ANKRD24: variants seen among roughly 807,000 people sequenced by gnomAD.
The protein encoded by ANKRD24 is ankyrin repeat domain 24.
In ANKRD24, 109 loss-of-function variants were observed where a neutral mutation model predicts 127.8. The ratio of observed to expected loss-of-function variants is 0.85; its 90% CI spans 0.73 to 1.00. The LOEUF (loss-of-function observed/expected upper bound fraction) is 1.00. Among genes scored for constraint, ANKRD24 ranks in the 50% least tolerant of loss-of-function variants. ANKRD24 has a pLI of 0.00. For missense variants in ANKRD24, 1,648 were observed against 1,570.2 expected, an observed-to-expected ratio of 1.05 and a Z score of -0.84; for synonymous variants, 743 against 671.1, an observed-to-expected ratio of 1.11 and a Z score of -1.66.
Position 4,191,772 on chromosome 19 carries a change from G to A in ANKRD24, c.36+5311G>A, listed in dbSNP as rs543074932. On this transcript the variant is annotated intron_variant, in intron 2 of 21. Coordinates refer to ENST00000318934, the MANE Select transcript of ANKRD24 (RefSeq NM_001393985.1). ...GCTGGGATTACAGACGTGAACCACC[G>A]TCCCCAGCCTATTTATTTATTTATT... Among the ~76,000 whole-genome samples, 8 of 147,378 alleles carry A rather than the reference G, an allele frequency of 5.4e-5. No individual in the cohort carries two copies. The South Asian group carries it at 1.1e-3, about 20-fold the overall frequency.
intron 5 of ANKRD24, among the ~76,000 whole-genome samples, chr19:4,200,387 A>G (rs943188568): frequency 1.3e-5 from 2 of 152,164 alleles, no homozygotes; most frequent in Non-Finnish European, 2.9e-5. Flanking sequence ...GAGCAAAGCC[A>G]GTGGACAGCT....
Position 4,195,679 on chromosome 19 carries a change from C to T in ANKRD24, c.37-4004C>T, listed in dbSNP as rs747342907. Among the ~76,000 whole-genome samples, 3 of 152,018 alleles carry T rather than the reference C, an allele frequency of 2.0e-5. No individual in the cohort carries two copies. The highest frequency in any genetic ancestry group is 4.8e-5 in the African/African-American group (2 of 41,414). On this transcript the variant is annotated intron_variant, in intron 2 of 21. Coordinates refer to ENST00000318934, the MANE Select transcript of ANKRD24 (RefSeq NM_001393985.1). This position sits in a 1 kb window ranked among gnomAD's most constrained non-coding sequence, Gnocchi z 4.2. ...TTGAGAGGCCAAGGCAGGTGGATCA[C>T]GAGGTCAGAGTTCAAGACCAGCCTG...
At chr19:4,202,734 T>A in intron 6 of ANKRD24, 135 bp from the exon 7 acceptor site, 1 of 890,366 alleles carries the variant, frequency 1.1e-6, no homozygotes, top group Middle Eastern at 2.2e-4. Context: ...CCAATTTTCA[T>A]GAAAATGGAG....
At chr19:4,193,854 A>AGGAAGGAAGGAT (rs1223133433) in intron 2 of ANKRD24, among the ~76,000 whole-genome samples, 7 of 40,852 alleles carry the variant, frequency 1.7e-4, no homozygotes, top group Admixed American at 2.4e-4. Context: ...GGAGGAAGGA[A>AGGAAGGAAGGAT]GGAAGGAAGG....
chr19:4,187,379 C>G (rs1968124732), intron 2 of ANKRD24, among the ~76,000 whole-genome samples: 1 of 150,472 alleles, frequency 6.6e-6, no homozygotes. Flanking sequence ...TGCCATTGCA[C>G]TGCAGCCTGG....
chr19:4,209,355 G>A (rs555696600), intron 11 of ANKRD24, among the ~76,000 whole-genome samples: 55 of 151,782 alleles, frequency 3.6e-4, no homozygotes, highest in Non-Finnish European at 7.2e-4. Flanking sequence ...TGACCCACCC[G>A]CCTCGGCCTC....
chr19:4,202,149 A>G (rs1397929381), intron 6 of ANKRD24, 59 bp downstream of exon 6: 1 of 1,488,536 alleles, frequency 6.7e-7, no homozygotes, highest in Non-Finnish European at 9.4e-7. Context: ...GAGTTCCAGC[A>G]ATTCCTTGAA....
intron 16 of ANKRD24, 33 bp downstream of exon 16, chr19:4,216,083 G>T: frequency 6.4e-7 from 1 of 1,563,116 alleles, no homozygotes. Context: ...ACTCCCAGCC[G>T]CCTTGTCCCC....
In ANKRD24 at chr19:4,195,233, C is replaced by T. The variant is rs570331980; in HGVS notation, c.37-4450C>T. On this transcript the variant is annotated intron_variant, in intron 2 of 21. Coordinates refer to ENST00000318934, the MANE Select transcript of ANKRD24 (RefSeq NM_001393985.1). This position sits in a 1 kb window ranked among gnomAD's most constrained non-coding sequence, Gnocchi z 4.2. ...GACTACAGGCGCCCACCACCACGCC[C>T]GGCTAATTTTTTGTATTTTTAGTAG... Among the ~76,000 whole-genome samples, 40 of 152,000 alleles carry T rather than the reference C, an allele frequency of 2.6e-4. No individual in the cohort carries two copies. The highest frequency in any genetic ancestry group is 7.2e-4 in the Admixed American group (11 of 15,244).
intron 2 of ANKRD24, among the ~76,000 whole-genome samples, chr19:4,196,455 A>T (rs961414756): frequency 2.0e-5 from 3 of 152,068 alleles, no homozygotes; most frequent in Non-Finnish European, 4.4e-5. Context: ...GGCTTACTGC[A>T]ACCTCTGCCT....
rs1443435668 is a variant in ANKRD24 at position 4,198,474 on chromosome 19, C to G, written c.37-1209C>G. On this transcript the variant is annotated intron_variant, in intron 2 of 21. Coordinates refer to ENST00000318934, the MANE Select transcript of ANKRD24 (RefSeq NM_001393985.1). The surrounding 1 kb of genome is among the most constrained non-coding windows in gnomAD (Gnocchi z 6.1). ...CTCTTGGAACCCCGTGCGCCCCCCG[C>G]GCCCCGCGCCCCGGACGCCATGAAG... 1.6e-6 allele frequency: 1 copy of G among 619,024 alleles called. No homozygotes were observed. The highest frequency in any genetic ancestry group is 2.9e-6 in the Non-Finnish European group (1 of 344,076). 38.3% of individuals were successfully genotyped at this position (619,024 alleles called of 1,614,324 possible).
intron 10 of ANKRD24, 108 bp from the exon 11 acceptor site, chr19:4,208,656 C>T: frequency 9.1e-7 from 1 of 1,093,726 alleles, no homozygotes; most frequent in Non-Finnish European, 1.3e-6. Flanking sequence ...ACCTTAAACG[C>T]CCTGATTCTT....
chr19:4,210,120 C>T lies in ANKRD24; in HGVS notation c.933C>T (p.Pro311=), dbSNP rs751977030. 36 of 1,610,462 alleles carry T rather than the reference C, an allele frequency of 2.2e-5. No individual in the cohort carries two copies. In the African/African-American group the frequency reaches 2.9e-4, roughly 13 times the overall value. The change falls in exon 12 of 22, where the codon CCC becomes CCT. Residue 311 remains proline, a synonymous_variant. Coordinates refer to ENST00000318934, the MANE Select transcript of ANKRD24 (RefSeq NM_001393985.1). ...AGAAGCGGAAGGCGCCTCCACCTCC[C>T]GCCAGCATTCCCATGCCGGTGAGAG... is the stretch of plus-strand genomic sequence containing the variant. ...APKKRKAPPP[P]ASIPMPDDRD...
At position 4,198,270 on chromosome 19, in the gene ANKRD24, A is replaced by C; in HGVS notation, c.37-1413A>C. ...CTCAGCCCCCAGCCCCCAGCCCCCTACCTGGGTCTTCCCATTCCATCCCGT... is the reference window on the plus strand; with the variant it reads ...CTCAGCCCCCAGCCCCCAGCCCCCTCCCTGGGTCTTCCCATTCCATCCCGT... On this transcript the variant is annotated intron_variant, in intron 2 of 21. Coordinates refer to ENST00000318934, the MANE Select transcript of ANKRD24 (RefSeq NM_001393985.1). This position sits in a 1 kb window ranked among gnomAD's most constrained non-coding sequence, Gnocchi z 6.1. 1 of 441,560 alleles carries C rather than the reference A, an allele frequency of 2.3e-6. No homozygotes were observed. 27.4% of individuals were successfully genotyped at this position (441,560 alleles called of 1,614,324 possible). A position where few individuals can be genotyped will look rare whatever the true frequency, so the allele number is the denominator to read the frequency against.
intron 2 of ANKRD24, among the ~76,000 whole-genome samples, chr19:4,193,706 G>A (rs1323708938): frequency 6.6e-6 from 1 of 151,798 alleles, no homozygotes; most frequent in Admixed American, 6.6e-5. Context: ...GCATGGTGGC[G>A]GGTGCGTGTA....
At position 4,216,840 on chromosome 19, in the gene ANKRD24, G is replaced by T; in HGVS notation, c.1680G>T (p.Glu560Asp). ...CAGAAACCAAAGTTAACGGAGCCGA[G>T]ACCATAGATGAGGAGGCTGCAGGAG... ...VAPETKVNGA[E>D]TIDEEAAGDE... The change falls in exon 18 of 22, where the codon GAG becomes GAT. Residue 560 changes from glutamate to aspartate, a missense_variant. Coordinates refer to ENST00000318934, the MANE Select transcript of ANKRD24 (RefSeq NM_001393985.1). The T allele has an allele frequency of 3.7e-6, 6 of 1,610,384 alleles. No individual in the cohort carries two copies. The South Asian group carries it at 6.6e-5, about 18-fold the overall frequency.
intron 15 of ANKRD24, among the ~76,000 whole-genome samples, chr19:4,215,138 A>G (rs150001346): frequency 1.3e-5 from 2 of 152,342 alleles, no homozygotes; most frequent in East Asian, 3.9e-4. Flanking sequence ...TAAGGAGTTA[A>G]TAACCAAAAT....
intron 13 of ANKRD24, among the ~76,000 whole-genome samples, chr19:4,210,889 A>G (rs1468310449): frequency 6.6e-6 from 1 of 151,540 alleles, no homozygotes; most frequent in East Asian, 1.9e-4. Context: ...GCTAGAATGC[A>G]ATGGTACGAT....
chr19:4,183,075 T>G (rs1967831051), intron 1 of ANKRD24, among the ~76,000 whole-genome samples: 1 of 150,832 alleles, frequency 6.6e-6, no homozygotes, highest in African/African-American at 2.4e-5. Context: ...GCCTCTTGGG[T>G]TCAAGCGATT....
Sources: gnomAD v4.1 joint callset for allele counts (sites outside exome capture counted in the v4.1 genomes callset) on GRCh38, gnomAD v4.1.1 for gene constraint, Gnocchi (gnomAD v3.1) non-coding constraint, MANE v1.5 for transcripts, NCBI Gene and HGNC (gene_info 2026-07-23, HGNC 2026-07-21) for gene names.